Variants in GPR155 observed in about 807,000 individuals in gnomAD.
GPR155 encodes lysosomal cholesterol signaling protein.
In GPR155, 65 loss-of-function variants were observed where a neutral mutation model predicts 93.1. The observed-to-expected ratio is 0.70, with a 90% CI of 0.57 to 0.86. The LOEUF (loss-of-function observed/expected upper bound fraction) is 0.86, where lower values mean the gene tolerates loss of function less well. Among genes scored for constraint, GPR155 ranks in the 40% least tolerant of loss-of-function variants. The probability of loss-of-function intolerance (pLI) is 0.00; values close to 1 mark genes in which losing one functional copy is unlikely to be tolerated. For synonymous variants in GPR155, 319 were observed against 360.1 expected (o/e 0.89, Z 1.29); for missense variants, 838 against 1,034.8 (o/e 0.81, Z 2.61).
At chr2:174,470,268 G>A in intron 4 of GPR155, 122 bp downstream of exon 4, 1 of 774,664 alleles carries the variant, frequency 1.3e-6, no homozygotes, top group Non-Finnish European at 2.0e-6. Flanking sequence ...GGGCAACATA[G>A]TGAGACCCCC....
chr2:174,445,949 G>A (rs1165527869), intron 12 of GPR155, among the ~76,000 whole-genome samples: 1 of 151,512 alleles, frequency 6.6e-6, no homozygotes, highest in Non-Finnish European at 1.5e-5. Flanking sequence ...ATTAATGTAG[G>A]CATTTATCCA....
intron 1 of GPR155, among the ~76,000 whole-genome samples, chr2:174,483,770 A>G (rs1688396113): frequency 6.6e-6 from 1 of 152,008 alleles, no homozygotes. Flanking sequence ...TTTTTAGTAG[A>G]GACGGGGTTT....
rs200358308 is a variant in GPR155 at position 174,446,617 on chromosome 2, C to T, written c.2007G>A (p.Leu669=). ...AACCAGAAAAAACCATTACAGCGAA[C>T]AGGCCAATGATGAGAAGTAAACACA... is the stretch of plus-strand genomic sequence containing the variant. ...VLLCLLLIIG[L]FANLSSCLWW... Residue 669 remains leucine (L), a synonymous_variant, in exon 12 of 16, where the codon CTG becomes CTA. Coordinates refer to ENST00000392552, the MANE Select transcript of GPR155 (RefSeq NM_152529.7). The T allele has an allele frequency of 1.2e-6, 2 of 1,609,364 alleles. No homozygotes were observed. The highest frequency in any genetic ancestry group is 4.5e-5 in the East Asian group (2 of 44,790).
chr2:174,470,413 G>T lies in GPR155; in HGVS notation c.1003C>A (p.Gln335Lys). 6.2e-7 allele frequency: 1 copy of T among 1,613,244 alleles called. No individual in the cohort carries two copies. Among genetic ancestry groups the T allele is most frequent in the African/African-American group, 1.3e-5 (1 of 75,018 alleles). Residue 335 changes from glutamine to lysine, a missense_variant, in exon 4 of 16, where the codon CAA becomes AAA. Transcript: ENST00000392552. Reference sequence around the variant, plus strand: ...ACAATTTCTACTTCCATGTTGAATTGTGTTGCAAAGATAGCCACTCCTGGT... The same window carrying T: ...ACAATTTCTACTTCCATGTTGAATTTTGTTGCAAAGATAGCCACTCCTGGT... ...VAPGVAIFAT[Q>K]FNMEVEIITS...
intron 11 of GPR155, among the ~76,000 whole-genome samples, chr2:174,449,536 C>T (rs1574704624): frequency 6.6e-6 from 1 of 152,168 alleles, no homozygotes; most frequent in South Asian, 2.1e-4. Context: ...CCATGGAATA[C>T]TATGTAGCCA....
In GPR155 at chr2:174,453,666, AAG is replaced by A. The variant is rs368778666; in HGVS notation, c.1876+69_1876+70del. On this transcript the variant is annotated intron_variant, in intron 11 of 15. Transcript: ENST00000392552. ...CAGAGCAAGACTCCGTCTCAAAAAA[AAG>A]AAAAAAAAAAAAAAGAATAAGGAAT... The A allele has an allele frequency of 4.7e-3, 2,784 of 587,742 alleles. 113 individuals are homozygous for A. Among genetic ancestry groups the A allele is most frequent in the Middle Eastern group, 9.7e-3 (18 of 1,848 alleles). 36.4% of individuals were successfully genotyped at this position (587,742 alleles called of 1,614,324 possible). A position where few individuals can be genotyped will look rare whatever the true frequency, so the allele number is the denominator to read the frequency against.
intron 1 of GPR155, among the ~76,000 whole-genome samples, chr2:174,484,994 G>A (rs942741309): frequency 1.2e-4 from 18 of 152,088 alleles, no homozygotes; most frequent in African/African-American, 3.6e-4. Flanking sequence ...TTCAAAAAAC[G>A]GCAGCAATTG....
chr2:174,465,805 T>C lies in GPR155; in HGVS notation c.1364A>G (p.Tyr455Cys), dbSNP rs1224609776. Residue 455 changes from tyrosine (Y) to cysteine (C), a missense_variant, in exon 7 of 16, where the codon TAT becomes TGT. Around this residue, in one of 3 missense-constraint regions of GPR155, gnomAD observed 663 missense variants for 790.1 expected, o/e 0.84. Transcript: ENST00000392552. ...CTCACCTGTCCACAGGTAGGTGCTA[T>C]AGAGGGAGCTGTACAATAGAACAAA... is the stretch of plus-strand genomic sequence containing the variant. Reference protein sequence around the residue: ...LVFVLLYSSLYSTYLWTGLLA... With the variant: ...LVFVLLYSSLCSTYLWTGLLA... 7 of 1,584,548 alleles carry C rather than the reference T, an allele frequency of 4.4e-6. No individual in the cohort carries two copies. In the South Asian group the frequency reaches 5.5e-5, roughly 13 times the overall value.
chr2:174,436,066 T>G lies in GPR155; in HGVS notation c.*50A>C. The stretch of plus-strand genomic sequence containing the variant: ...CCAAGGTCACCCAGCTAAAAACTAA[T>G]GAATACGCGGCTAGAATATGATTCC... On this transcript the variant is annotated 3_prime_UTR_variant, in exon 16 of 16. Coordinates refer to ENST00000392552, the MANE Select transcript of GPR155 (RefSeq NM_152529.7). 2 of 1,496,678 alleles carry G rather than the reference T, an allele frequency of 1.3e-6. No individual in the cohort carries two copies. The highest frequency in any genetic ancestry group is 2.4e-5 in the South Asian group (2 of 81,858). 92.7% of individuals were successfully genotyped at this position (1,496,678 alleles called of 1,614,324 possible).
intron 1 of GPR155, among the ~76,000 whole-genome samples, 196 bp from the exon 2 acceptor site, chr2:174,482,183 G>T (rs1458891363): frequency 1.3e-5 from 2 of 152,156 alleles, no homozygotes; most frequent in Non-Finnish European, 2.9e-5. Context: ...AAAGTGGGGG[G>T]TTGCTAACAA....
At chr2:174,450,314 G>T (rs1293752244) in intron 11 of GPR155, among the ~76,000 whole-genome samples, 1 of 152,096 alleles carries the variant, frequency 6.6e-6, no homozygotes, top group Admixed American at 6.6e-5. Context: ...GGAAACTGGG[G>T]ACTACGAGAG....
In GPR155 at chr2:174,440,696, C is replaced by A. The variant is rs185340218; in HGVS notation, c.2175-661G>T. ...TTCATAGCGCTGGTGGGATACATTT[C>A]TTTAGCACTTCCAGTTTCTACAAAT... On this transcript the variant is annotated intron_variant, in intron 14 of 15. Transcript: ENST00000392552. 4.5e-3 allele frequency among the ~76,000 whole-genome samples: 683 copies of A among 152,308 alleles called. 6 individuals carry two copies. Among genetic ancestry groups the A allele is most frequent in the Non-Finnish European group, 4.9e-3 (334 of 68,014 alleles).
intron 11 of GPR155, among the ~76,000 whole-genome samples, chr2:174,447,154 C>T (rs771430945): frequency 2.2e-4 from 34 of 151,376 alleles, no homozygotes; most frequent in Admixed American, 3.9e-4. Flanking sequence ...CTGGCCAACA[C>T]GGTGAAACCT....
intron 15 of GPR155, 34 bp from the exon 16 acceptor site, chr2:174,436,450 G>A (rs539476610): frequency 2.5e-6 from 4 of 1,600,346 alleles, no homozygotes; most frequent in South Asian, 1.1e-5. Context: ...CATATTTTCT[G>A]TAAATCTGGT....
chr2:174,461,178 C>T (rs1687681810), intron 9 of GPR155, among the ~76,000 whole-genome samples: 1 of 152,148 alleles, frequency 6.6e-6, no homozygotes, highest in Admixed American at 6.5e-5. Flanking sequence ...TGATTAAGAA[C>T]ATTCAATAAG....
chr2:174,439,106 G>A (rs1686876988), intron 15 of GPR155, among the ~76,000 whole-genome samples: 2 of 152,046 alleles, frequency 1.3e-5, no homozygotes, highest in Non-Finnish European at 2.9e-5. Flanking sequence ...TCCACTCTCC[G>A]TACCAGGCTA....
At chr2:174,461,514 G>A (rs182501591) in intron 8 of GPR155, 22 bp from the exon 9 acceptor site, 11 of 1,593,328 alleles carry the variant, frequency 6.9e-6, no homozygotes, top group Non-Finnish European at 9.5e-6. Flanking sequence ...AGTGATATTG[G>A]GAGAGAAAAA....
rs926654243 is a variant in GPR155, at chr2:174,479,805, T to C, written c.460+1692A>G. 7.2e-5 allele frequency among the ~76,000 whole-genome samples: 11 copies of C among 152,352 alleles called. No homozygotes were observed. The East Asian group carries it at 2.1e-3, about 29-fold the overall frequency. ...GGAAATGGACAAACATGTTAACTCC[T>C]TGCTGTTTTCTTTCCAAAAGTCTTT... On this transcript the variant is annotated intron_variant, in intron 2 of 15. Coordinates refer to ENST00000392552, the MANE Select transcript of GPR155 (RefSeq NM_152529.7).
chr2:174,442,044 C>A, intron 14 of GPR155, 75 bp downstream of exon 14: 1 of 820,064 alleles, frequency 1.2e-6, no homozygotes. Context: ...CATGCATGGC[C>A]CCATATCAGT....
Sources: allele counts gnomAD v4.1 joint callset (sites outside exome capture counted in the v4.1 genomes callset), GRCh38; gene constraint gnomAD v4.1.1; regional missense constraint gnomAD v4.1.1; transcripts MANE v1.5; gene names NCBI Gene and HGNC (gene_info 2026-07-23, HGNC 2026-07-21).